The following CACNA1D variants were observed in gnomAD, a reference collection of about 807,000 sequenced individuals.
CACNA1D encodes voltage-dependent L-type calcium channel subunit alpha-1D.
In CACNA1D, 55 loss-of-function variants were observed where a neutral mutation model predicts 257.1. The ratio of observed to expected loss-of-function variants is 0.21; its 90% confidence interval spans 0.17 to 0.27. CACNA1D has a LOEUF of 0.27. CACNA1D is among the 10% of genes least tolerant of loss of function. The pLI, the probability that CACNA1D is intolerant of heterozygous loss-of-function variation, is 1.00. For missense variants in CACNA1D, 1,876 were observed against 2,784.0 expected, an observed-to-expected ratio of 0.67 and a Z score of 7.34; for synonymous variants, 980 against 1,014.9, an observed-to-expected ratio of 0.97 and a Z score of 0.65.
chr3:53,598,957 G>A (rs898407), intron 3 of CACNA1D, among the ~76,000 whole-genome samples: 147,777 of 152,160 alleles, frequency 0.97, 71,792 homozygotes, highest in East Asian at 1. Context: ...AAATTAACCA[G>A]TCAAGGAAGT....
intron 3 of CACNA1D, among the ~76,000 whole-genome samples, chr3:53,607,796 A>G (rs2093531679): frequency 1.3e-5 from 2 of 152,210 alleles, no homozygotes; most frequent in African/African-American, 2.4e-5. Flanking sequence ...TTGAAAAACT[A>G]TGCTTGTTGA....
rs944399879 is a variant in CACNA1D at position 53,494,814 on chromosome 3, C to T, written c.-353C>T. The T allele has an allele frequency of 1.7e-4, 27 of 157,652 alleles. No individual in the cohort carries two copies. The highest frequency in any genetic ancestry group is 6.1e-4 in the African/African-American group (25 of 41,240). The allele number at this position is 157,652 out of a possible 1,614,324, so 9.8% of individuals were successfully genotyped here. ...GCGGCCCCGGCGGCCGGGCCGGCAT[C>T]ACCGCGGCGTCTCTCCGCTAGAGGA... is the stretch of plus-strand genomic sequence containing the variant. On this transcript the variant is annotated 5_prime_UTR_variant, in exon 1 of 48. Coordinates refer to ENST00000350061, the MANE Select transcript of CACNA1D (RefSeq NM_001128840.3).
At position 53,553,963 on chromosome 3, in the gene CACNA1D, A is replaced by G. The variant is rs919299405; in HGVS notation, c.483+52243A>G. Among the ~76,000 whole-genome samples the G allele has an allele frequency of 3.5e-4, 53 of 151,834 alleles. 1 individual carries two copies. The highest frequency in any genetic ancestry group is 2.7e-3 in the Admixed American group (41 of 15,230). ...TGTAATCTCAGCACTTTGGGAGGCCAAGGCGGGCAGATCATGAGGTCAGGA... is the reference window on the plus strand; with the variant it reads ...TGTAATCTCAGCACTTTGGGAGGCCGAGGCGGGCAGATCATGAGGTCAGGA... On this transcript the variant is annotated intron_variant, in intron 3 of 47. Transcript: ENST00000350061.
chr3:53,627,435 G>C (rs1248544755), intron 3 of CACNA1D, among the ~76,000 whole-genome samples: 1 of 152,186 alleles, frequency 6.6e-6, no homozygotes, highest in East Asian at 1.9e-4. Flanking sequence ...GTTCCCTGGG[G>C]TCTGAGGTGC....
chr3:53,500,719 A>C (rs984022493), intron 2 of CACNA1D, among the ~76,000 whole-genome samples: 44 of 152,164 alleles, frequency 2.9e-4, no homozygotes, highest in African/African-American at 9.9e-4. Flanking sequence ...AAAAACAATC[A>C]TTTTGGCAGA....
chr3:53,619,415 G>T (rs929055379), intron 3 of CACNA1D, among the ~76,000 whole-genome samples: 1 of 152,204 alleles, frequency 6.6e-6, no homozygotes, highest in Non-Finnish European at 1.5e-5. Flanking sequence ...TGAAACATGG[G>T]TAATTTACCT....
chr3:53,792,328 A>G (rs1387841640), intron 40 of CACNA1D: 1 of 152,214 alleles, frequency 6.6e-6, no homozygotes, highest in Admixed American at 6.5e-5. Context: ...TGGAGTCTGT[A>G]CATCTGATGC....
At chr3:53,573,713 G>A (rs1022280106) in intron 3 of CACNA1D, among the ~76,000 whole-genome samples, 2 of 152,122 alleles carry the variant, frequency 1.3e-5, no homozygotes, top group East Asian at 3.8e-4. Context: ...CCAGTATCTC[G>A]AATAGCTCTG....
intron 3 of CACNA1D, among the ~76,000 whole-genome samples, chr3:53,507,164 T>A (rs2090892374): frequency 6.6e-6 from 1 of 152,064 alleles, no homozygotes; most frequent in South Asian, 2.1e-4. Flanking sequence ...AGTAAAACTT[T>A]ACCCAAAGTT....
chr3:53,808,320 AG>A (rs1263340690), intron 45 of CACNA1D: 1 of 320,530 alleles, frequency 3.1e-6, no homozygotes, highest in Non-Finnish European at 6.0e-6. Context: ...AGGCTGAGGC[AG>A]GAGAATGGCG....
intron 15 of CACNA1D, among the ~76,000 whole-genome samples, chr3:53,727,922 AT>A (rs1399699358): frequency 1.3e-5 from 2 of 151,978 alleles, no homozygotes; most frequent in East Asian, 3.9e-4. Context: ...TACAAGGACA[AT>A]GCTTTGTGCT....
At chr3:53,540,728 A>G (rs78087701) in intron 3 of CACNA1D, among the ~76,000 whole-genome samples, 2 of 152,052 alleles carry the variant, frequency 1.3e-5, no homozygotes, top group African/African-American at 2.4e-5. Flanking sequence ...ATTCTTTGTC[A>G]TGGTGGCATG....
At chr3:53,558,965 C>T (rs6445586) in intron 3 of CACNA1D, among the ~76,000 whole-genome samples, 8,112 of 152,122 alleles carry the variant, frequency 0.053, 782 homozygotes, top group African/African-American at 0.18. Context: ...TACACAACAC[C>T]GTTTCTTCTC....
In CACNA1D at chr3:53,660,228, G is replaced by A. The variant is rs1395204244; in HGVS notation, c.719G>A (p.Arg240His). ...GGAGGCTTTGATGTCAAAGCCCTCC[G>A]TGCCTTTCGAGTGTTGCGACCACTT... ...KSGGFDVKAL[R>H]AFRVLRPLRL... The change falls in exon 5 of 48, where the codon CGT becomes CAT. Residue 240 changes from arginine (R) to histidine (H), a missense_variant. Coordinates refer to ENST00000350061, the MANE Select transcript of CACNA1D (RefSeq NM_001128840.3). 4.3e-6 allele frequency: 7 copies of A among 1,613,926 alleles called. No homozygotes were observed. The highest frequency in any genetic ancestry group is 1.1e-5 in the South Asian group (1 of 91,078).
At chr3:53,570,421 C>T (rs1246448313) in intron 3 of CACNA1D, among the ~76,000 whole-genome samples, 1 of 152,248 alleles carries the variant, frequency 6.6e-6, no homozygotes, top group African/African-American at 2.4e-5. Context: ...CTTAACTGAA[C>T]TCCTCTATTG....
At chr3:53,698,006 C>A (rs1300010703) in intron 8 of CACNA1D, among the ~76,000 whole-genome samples, 3 of 152,168 alleles carry the variant, frequency 2.0e-5, no homozygotes, top group African/African-American at 2.4e-5. Context: ...TTGTACCTGC[C>A]AGAGCATCTT....
intron 3 of CACNA1D, among the ~76,000 whole-genome samples, chr3:53,646,361 A>G (rs1435625389): frequency 1.3e-5 from 2 of 152,222 alleles, no homozygotes; most frequent in African/African-American, 2.4e-5. Context: ...ATGGTAACTT[A>G]GATACATACA....
At chr3:53,801,547 A>G (rs191455332) in intron 42 of CACNA1D, 122 bp downstream of exon 42, 23 of 1,296,696 alleles carry the variant, frequency 1.8e-5, no homozygotes, top group East Asian at 6.9e-5. Flanking sequence ...CCCCGTAGGC[A>G]TTTGTGTCAG....
Position 53,673,854 on chromosome 3 carries a change from C to G in CACNA1D, c.1220+728C>G. On this transcript the variant is annotated intron_variant, in intron 8 of 47. Coordinates refer to ENST00000350061, the MANE Select transcript of CACNA1D (RefSeq NM_001128840.3). This position sits in a 1 kb window ranked among gnomAD's most constrained non-coding sequence, Gnocchi z 4.1. Reference sequence around the variant, plus strand: ...ATCCGTGTTGCACCTTCTCCTGCTGCCACGTGTGAGGCAACTCTGCGTGTC... The same window carrying G: ...ATCCGTGTTGCACCTTCTCCTGCTGGCACGTGTGAGGCAACTCTGCGTGTC... 1.5e-6 allele frequency: 2 copies of G among 1,351,876 alleles called. No individual in the cohort carries two copies. The highest frequency in any genetic ancestry group is 2.1e-6 in the Non-Finnish European group (2 of 940,646). 83.7% of individuals were successfully genotyped at this position (1,351,876 alleles called of 1,614,324 possible).
Sources: allele counts gnomAD v4.1 joint callset (sites outside exome capture counted in the v4.1 genomes callset), GRCh38; gene constraint gnomAD v4.1.1; non-coding constraint Gnocchi (gnomAD v3.1); transcripts MANE v1.5; gene names NCBI Gene and HGNC (gene_info 2026-07-23, HGNC 2026-07-21).